Variants in DLG2 observed in about 807,000 individuals in gnomAD.
The protein encoded by DLG2 is discs large MAGUK scaffold protein 2.
Under a neutral mutation model 132.5 loss-of-function variants are expected in DLG2, and 45 were observed. The ratio of observed to expected loss-of-function variants is 0.34; its 90% CI spans 0.27 to 0.44. The LOEUF is 0.44. DLG2 is among the 20% of genes least tolerant of loss of function. The pLI is 1.00. For synonymous variants in DLG2, 424 were observed against 419.6 expected, an observed-to-expected ratio of 1.01 and a Z score of -0.13; for missense variants, 1,045 against 1,196.9, an observed-to-expected ratio of 0.87 and a Z score of 1.87.
chr11:84,469,706 A>G (rs2099103735), intron 7 of DLG2, among the ~76,000 whole-genome samples: 1 of 151,694 alleles, frequency 6.6e-6, no homozygotes, highest in Non-Finnish European at 1.5e-5. Flanking sequence ...AGGCATGAAC[A>G]CACAACAAAT....
chr11:83,982,900 A>G (rs945537353), intron 11 of DLG2, among the ~76,000 whole-genome samples: 1 of 152,072 alleles, frequency 6.6e-6, no homozygotes, highest in South Asian at 2.1e-4. Flanking sequence ...TTGTTTTGCA[A>G]TTGCCTACAG....
intron 7 of DLG2, among the ~76,000 whole-genome samples, chr11:84,280,476 C>T (rs1280436426): frequency 1.3e-5 from 2 of 151,876 alleles, no homozygotes; most frequent in Non-Finnish European, 2.9e-5. Context: ...GCCATGTTGG[C>T]TAGGCTGGTC....
At chr11:83,618,283 T>C (rs1433340312) in intron 19 of DLG2, among the ~76,000 whole-genome samples, 1 of 152,174 alleles carries the variant, frequency 6.6e-6, no homozygotes, top group Admixed American at 6.5e-5. Flanking sequence ...AGATATAAAA[T>C]ATATATCACT....
chr11:85,541,361 C>G (rs1201542910), intron 3 of DLG2, among the ~76,000 whole-genome samples: 2 of 151,738 alleles, frequency 1.3e-5, no homozygotes, highest in East Asian at 1.9e-4. Context: ...TAACATACAG[C>G]TGGAAAAAAA....
chr11:85,165,483 G>C (rs983521636), intron 4 of DLG2, among the ~76,000 whole-genome samples: 1 of 152,170 alleles, frequency 6.6e-6, no homozygotes, highest in African/African-American at 2.4e-5. Context: ...CCCCATCTAA[G>C]TAAACTGACC....
chr11:83,559,626 C>T (rs2096576755), intron 19 of DLG2, among the ~76,000 whole-genome samples: 1 of 150,528 alleles, frequency 6.6e-6, no homozygotes, highest in Admixed American at 6.6e-5. Context: ...TAACCAGGTA[C>T]GTTGCCATGT....
intron 22 of DLG2, among the ~76,000 whole-genome samples, chr11:83,483,774 CAT>C (rs958633373): frequency 1.3e-5 from 2 of 152,116 alleles, no homozygotes; most frequent in African/African-American, 4.8e-5. Flanking sequence ...TTCCAAAAAA[CAT>C]ATGTGGCAAT....
intron 7 of DLG2, among the ~76,000 whole-genome samples, chr11:84,451,591 C>T (rs931759381): frequency 1.3e-5 from 2 of 151,704 alleles, no homozygotes; most frequent in Non-Finnish European, 2.9e-5. Flanking sequence ...AAAGTAATCC[C>T]TCCTCCACTT....
chr11:84,893,347 C>T (rs1180336510), intron 6 of DLG2, among the ~76,000 whole-genome samples: 1 of 152,148 alleles, frequency 6.6e-6, no homozygotes, highest in Non-Finnish European at 1.5e-5. Flanking sequence ...AATGGTGGAC[C>T]ATCTCTGCGG....
In DLG2 at chr11:84,781,532, T is replaced by TATA. The variant is rs1324548147; in HGVS notation, c.358-246804_358-246802dup. 2.6e-4 allele frequency among the ~76,000 whole-genome samples: 39 copies of TATA among 151,730 alleles called. 1 individual carries two copies. Among genetic ancestry groups the TATA allele is most frequent in the Middle Eastern group, 6.8e-3 (2 of 292 alleles). On this transcript the variant is annotated intron_variant, in intron 6 of 27. Coordinates refer to ENST00000376104, the MANE Select transcript of DLG2 (RefSeq NM_001142699.3). ...CTAATACATGATAATAAAATAATAA[T>TATA]ATAATAATAATAATAGAAATTGTCC... is the stretch of plus-strand genomic sequence containing the variant.
In DLG2 at chr11:83,802,757, G is replaced by T. The variant is rs181445190; in HGVS notation, c.1723-15965C>A. Among the ~76,000 whole-genome samples, 935 of 152,146 alleles carry T rather than the reference G, an allele frequency of 6.1e-3. 8 individuals are homozygous for T. Among genetic ancestry groups the T allele is most frequent in the Middle Eastern group, 0.02 (6 of 294 alleles). On this transcript the variant is annotated intron_variant, in intron 17 of 27. Transcript: ENST00000376104. ...CTATTGCTAAATTAAAGAAAAGCAA[G>T]CTGTAGAACTATATGTGTATCTAGT...
At chr11:84,708,190 A>G (rs1032780180) in intron 6 of DLG2, among the ~76,000 whole-genome samples, 8 of 152,000 alleles carry the variant, frequency 5.3e-5, no homozygotes, top group Admixed American at 5.3e-4. Context: ...TTTTCATCTT[A>G]ATGTGCCTTA....
intron 6 of DLG2, among the ~76,000 whole-genome samples, chr11:84,693,785 A>G (rs2058315442): frequency 6.6e-6 from 1 of 151,574 alleles, no homozygotes; most frequent in African/African-American, 2.4e-5. Context: ...TGAGTCACAC[A>G]GCTTCAGAAG....
intron 19 of DLG2, among the ~76,000 whole-genome samples, chr11:83,549,144 T>C (rs2096316293): frequency 6.6e-6 from 1 of 152,146 alleles, no homozygotes; most frequent in African/African-American, 2.4e-5. Context: ...GACCTGGTCC[T>C]CACCTTTCTA....
chr11:83,598,937 C>A (rs779042068), intron 19 of DLG2, among the ~76,000 whole-genome samples: 3 of 152,132 alleles, frequency 2.0e-5, no homozygotes, highest in Admixed American at 6.5e-5. Context: ...TTAAATCCTG[C>A]GGCCTTACCT....
chr11:84,246,699 T>A lies in DLG2; in HGVS notation c.573+4539A>T, dbSNP rs76896610. On this transcript the variant is annotated intron_variant, in intron 8 of 27. Transcript: ENST00000376104. Reference sequence around the variant, plus strand: ...CTGCAAAAGTTATGGCCACAGTGCCTGATAGTTAAGATGGAAAATTCATGT... The same window carrying A: ...CTGCAAAAGTTATGGCCACAGTGCCAGATAGTTAAGATGGAAAATTCATGT... Among the ~76,000 whole-genome samples, 408 of 152,320 alleles carry A rather than the reference T, an allele frequency of 2.7e-3. 15 individuals carry two copies. In the East Asian group the frequency reaches 0.074, roughly 28 times the overall value.
At chr11:83,969,641 T>G (rs2090943237) in intron 12 of DLG2, among the ~76,000 whole-genome samples, 1 of 152,328 alleles carries the variant, frequency 6.6e-6, no homozygotes, top group South Asian at 2.1e-4. Context: ...TGGCGTGATC[T>G]TGGCTCACTG....
chr11:83,634,902 T>C (rs991214471), intron 18 of DLG2, among the ~76,000 whole-genome samples: 5 of 152,230 alleles, frequency 3.3e-5, no homozygotes, highest in African/African-American at 1.2e-4. Context: ...AGTCTGGTAT[T>C]ATCCAGATTT....
At chr11:84,746,641 G>A (rs893251990) in intron 6 of DLG2, among the ~76,000 whole-genome samples, 2 of 152,132 alleles carry the variant, frequency 1.3e-5, no homozygotes, top group Non-Finnish European at 2.9e-5. Context: ...TATGCAAAAG[G>A]ATCAATTTTA....
Sources: gnomAD v4.1 joint callset for allele counts (sites outside exome capture counted in the v4.1 genomes callset) on GRCh38, gnomAD v4.1.1 for gene constraint, MANE v1.5 for transcripts, NCBI Gene and HGNC (gene_info 2026-07-23, HGNC 2026-07-21) for gene names.